The following ABLIM1 variants were observed in gnomAD, a reference collection of about 807,000 sequenced individuals.
The protein encoded by ABLIM1 is actin-binding LIM protein 1.
In ABLIM1, 40 loss-of-function variants were observed where a neutral mutation model predicts 107.0. The observed-to-expected ratio is 0.37, with a 90% confidence interval of 0.29 to 0.49. The LOEUF is 0.49. Ranked by LOEUF, ABLIM1 falls within the 20% of genes least tolerant of loss-of-function variation. The pLI, the probability that ABLIM1 is intolerant of heterozygous loss-of-function variation, is 0.97. For synonymous variants in ABLIM1, 357 were observed against 357.3 expected (o/e 1.00, Z 0.01); for missense variants, 857 against 1,008.5 (o/e 0.85, Z 2.04).
chr10:114,705,449 G>A (rs953387010), intron 1 of ABLIM1, among the ~76,000 whole-genome samples: 1 of 152,188 alleles, frequency 6.6e-6, no homozygotes, highest in Non-Finnish European at 1.5e-5. Flanking sequence ...CAAATGAAGA[G>A]GGCAAGGCGA....
upstream of ABLIM1, chr10:114,658,290 T>C: frequency 1.3e-6 from 2 of 1,513,610 alleles, no homozygotes; most frequent in South Asian, 1.4e-5. Flanking sequence ...CCCTGGCTCC[T>C]TACTGTCTCC....
chr10:114,748,029 T>A (rs1376762194), intron 1 of ABLIM1, among the ~76,000 whole-genome samples: 1 of 152,120 alleles, frequency 6.6e-6, no homozygotes, highest in African/African-American at 2.4e-5. Context: ...GATAGAGCGA[T>A]ACTTCATCTC....
At position 114,535,558 on chromosome 10, in the gene ABLIM1, C is replaced by T. The variant is rs1013521312; in HGVS notation, c.894+9447G>A. 2.0e-5 allele frequency among the ~76,000 whole-genome samples: 3 copies of T among 152,174 alleles called. No individual in the cohort carries two copies. In the East Asian group the frequency reaches 5.8e-4, roughly 29 times the overall value. The stretch of plus-strand genomic sequence containing the variant: ...ACTCCTGACCTCAGGTGATCTCCCA[C>T]CTCGGCCTCCCAAAGTGCTGAGATT... On this transcript the variant is annotated intron_variant, in intron 6 of 22. Transcript: ENST00000533213.
intron 6 of ABLIM1, among the ~76,000 whole-genome samples, chr10:114,536,584 C>T (rs897337066): frequency 2.0e-5 from 3 of 152,100 alleles, no homozygotes; most frequent in Non-Finnish European, 4.4e-5. Flanking sequence ...CAAGGTTCCT[C>T]GAAGTTGTAG....
At chr10:114,504,140 C>T (rs1004548051) in intron 6 of ABLIM1, among the ~76,000 whole-genome samples, 2 of 152,156 alleles carry the variant, frequency 1.3e-5, no homozygotes, top group African/African-American at 4.8e-5. Context: ...GGTTACCAAA[C>T]GATCAACTTT....
intron 2 of ABLIM1, among the ~76,000 whole-genome samples, chr10:114,600,214 G>C (rs1169372165): frequency 6.6e-6 from 1 of 152,158 alleles, no homozygotes; most frequent in African/African-American, 2.4e-5. Context: ...TGACAGCCCA[G>C]CACCCTGGGT....
chr10:114,777,616 C>T, the ABLIM1 span, among the ~76,000 whole-genome samples: 1 of 152,220 alleles, frequency 6.6e-6, no homozygotes, highest in Non-Finnish European at 1.5e-5. Context: ...TTTCACTCTG[C>T]CTCTCTGGCC....
At chr10:114,767,687 T>C (rs761114366) in intron 1 of ABLIM1, among the ~76,000 whole-genome samples, 3 of 151,968 alleles carry the variant, frequency 2.0e-5, no homozygotes, top group African/African-American at 7.3e-5. Flanking sequence ...ATTTCTTCCA[T>C]AGCCGAGCTG....
At chr10:114,465,531 GA>G in intron 12 of ABLIM1, 166 bp downstream of exon 12, 1 of 719,016 alleles carries the variant, frequency 1.4e-6, no homozygotes, top group Non-Finnish European at 2.1e-6. Flanking sequence ...GATGTTTCAA[GA>G]AAAGATAGAG....
intron 5 of ABLIM1, among the ~76,000 whole-genome samples, chr10:114,545,354 C>T (rs1005011771): frequency 2.0e-5 from 3 of 152,202 alleles, no homozygotes; most frequent in South Asian, 2.1e-4. Context: ...TCACCCTTGC[C>T]GATTTTTTAC....
chr10:114,671,420 G>A (rs550185921), intron 1 of ABLIM1, among the ~76,000 whole-genome samples: 26 of 152,238 alleles, frequency 1.7e-4, no homozygotes, highest in South Asian at 6.2e-4. Flanking sequence ...GTCCATTGGT[G>A]GACATTCATG....
chr10:114,615,050 C>A (rs1461038116), intron 1 of ABLIM1, among the ~76,000 whole-genome samples: 123 of 136,670 alleles, frequency 9.0e-4, no homozygotes, highest in Admixed American at 1.3e-3. Context: ...AACTCTGTCT[C>A]AAAAAAAAAA....
chr10:114,485,272 G>A, intron 8 of ABLIM1: 2 of 1,572,672 alleles, frequency 1.3e-6, no homozygotes, highest in Non-Finnish European at 8.7e-7. Flanking sequence ...GTGGCTTCGA[G>A]CCCCAGCCTA....
chr10:114,441,747 C>T lies in ABLIM1; in HGVS notation c.1973G>A (p.Gly658Asp), dbSNP rs1349138118. The change falls in exon 18 of 23, where the codon GGC becomes GAC. Residue 658 changes from glycine to aspartate, a missense_variant. Physicochemically the swap from Gly to Asp is moderately conservative, Grantham distance 94 (BLOSUM62 -1). Around this residue, in one of 5 missense-constraint regions of ABLIM1, gnomAD observed 193 missense variants for 208.5 expected, o/e 0.93. Coordinates refer to ENST00000533213, the MANE Select transcript of ABLIM1 (RefSeq NM_002313.7). ...IPSSKTASLP[G>D]YGRNGLHRPV... ...CCGGTGAAGCCCATTTCTTCCATAG[C>T]CAGGGAGAGATGCAGTTTTAGATGA... The T allele has an allele frequency of 6.2e-7, 1 of 1,613,704 alleles. No homozygotes were observed. Among genetic ancestry groups the T allele is most frequent in the Non-Finnish European group, 8.5e-7 (1 of 1,179,882 alleles).
chr10:114,711,027 T>A (rs2081536970), intron 1 of ABLIM1, among the ~76,000 whole-genome samples: 1 of 152,226 alleles, frequency 6.6e-6, no homozygotes, highest in Non-Finnish European at 1.5e-5. Context: ...AGAAGGCCAC[T>A]CCATGACTAG....
At chr10:114,698,940 A>C (rs1476795482) in intron 1 of ABLIM1, among the ~76,000 whole-genome samples, 1 of 152,132 alleles carries the variant, frequency 6.6e-6, no homozygotes, top group Non-Finnish European at 1.5e-5. Context: ...ATTAGGGGGA[A>C]TCCCACAGTG....
At chr10:114,769,415 A>AAAGG (rs1555235397), upstream of ABLIM1, among the ~76,000 whole-genome samples, 1 of 133,594 alleles carries the variant, frequency 7.5e-6, no homozygotes, top group Non-Finnish European at 1.6e-5. Flanking sequence ...AGAAAGAAAG[A>AAAGG]AAAGAAGGAA....
intron 9 of ABLIM1, 141 bp from the exon 10 acceptor site, chr10:114,473,273 C>CCTG: frequency 1.3e-6 from 1 of 767,498 alleles, no homozygotes; most frequent in South Asian, 2.3e-5. Context: ...CACAGTTATA[C>CCTG]TCTTCAGAAG....
At chr10:114,737,041 T>G (rs1461634384) in intron 1 of ABLIM1, among the ~76,000 whole-genome samples, 1 of 151,988 alleles carries the variant, frequency 6.6e-6, no homozygotes, top group Non-Finnish European at 1.5e-5. Context: ...ATATAAAAAT[T>G]AGCTGGGTGT....
Sources: allele counts gnomAD v4.1 joint callset (sites outside exome capture counted in the v4.1 genomes callset), GRCh38; gene constraint gnomAD v4.1.1; regional missense constraint gnomAD v4.1.1; transcripts MANE v1.5; gene names NCBI Gene and HGNC (gene_info 2026-07-23, HGNC 2026-07-21).